Variants in GANC observed in about 807,000 individuals in gnomAD.
GANC encodes neutral alpha-glucosidase C.
A neutral mutation model predicts 124.2 loss-of-function variants in GANC; 117 were observed. The ratio of observed to expected loss-of-function variants is 0.94; its 90% CI spans 0.81 to 1.10. GANC has a LOEUF of 1.10. GANC is among the 50% of genes least tolerant of loss of function. GANC has a pLI of 0.00. For synonymous variants in GANC, 377 were observed against 376.8 expected, an observed-to-expected ratio of 1.00 and a Z score of -0.01; for missense variants, 1,140 against 1,095.0, an observed-to-expected ratio of 1.04 and a Z score of -0.58.
Position 42,352,240 on chromosome 15 carries a change from C to T in GANC, c.*101C>T. On this transcript the variant is annotated 3_prime_UTR_variant, in exon 24 of 24. Coordinates refer to ENST00000318010, the MANE Select transcript of GANC (RefSeq NM_198141.3). ...TTTTGCTGCAATCTGTTTGCCTTCC[C>T]TGAATCAAAATAATCTTTCATTCGT... The T allele has an allele frequency of 2.0e-6, 3 of 1,533,602 alleles. No individual in the cohort carries two copies. Among genetic ancestry groups the T allele is most frequent in the Non-Finnish European group, 2.6e-6 (3 of 1,138,774 alleles). The allele number at this position is 1,533,602 out of a possible 1,614,324, so 95.0% of individuals were successfully genotyped here.
intron 18 of GANC, among the ~76,000 whole-genome samples, chr15:42,341,662 C>T (rs901445707): frequency 6.6e-6 from 1 of 152,002 alleles, no homozygotes; most frequent in South Asian, 2.1e-4. Context: ...CTCCGGGGCT[C>T]AAGCAATCCT....
chr15:42,294,653 A>G (rs776038734), intron 5 of GANC, among the ~76,000 whole-genome samples: 7 of 148,570 alleles, frequency 4.7e-5, no homozygotes, highest in Admixed American at 6.7e-5. Flanking sequence ...TACACATTTT[A>G]TATATATTCT....
chr15:42,333,035 TATA>T (rs2052258647), intron 15 of GANC, among the ~76,000 whole-genome samples: 1 of 147,738 alleles, frequency 6.8e-6, no homozygotes, highest in Non-Finnish European at 1.5e-5. Context: ...TATATATATA[TATA>T]TTTTTTTTGG....
At chr15:42,316,208 G>A (rs531923371) in intron 10 of GANC, among the ~76,000 whole-genome samples, 47 of 152,240 alleles carry the variant, frequency 3.1e-4, no homozygotes, top group Non-Finnish European at 6.0e-4. Flanking sequence ...AGCCCTATGG[G>A]GCTTAGTGGG....
intron 15 of GANC, among the ~76,000 whole-genome samples, chr15:42,335,360 A>G (rs1240767456): frequency 6.6e-6 from 1 of 152,224 alleles, no homozygotes; most frequent in Non-Finnish European, 1.5e-5. Flanking sequence ...ACTAAAGACA[A>G]AAACCACATG....
chr15:42,348,260 T>C, intron 21 of GANC, 44 bp downstream of exon 21: 1 of 1,222,044 alleles, frequency 8.2e-7, no homozygotes, highest in South Asian at 1.2e-5. Context: ...ACTCTTTCTT[T>C]ACAGTGATAG....
intron 10 of GANC, chr15:42,314,226 A>T (rs1354855278): frequency 5.5e-6 from 4 of 733,694 alleles, no homozygotes; most frequent in South Asian, 2.9e-5. Context: ...TCTTTAAAGC[A>T]CCTGAAGCAC....
At chr15:42,298,705 G>A (rs1385624482) in intron 6 of GANC, among the ~76,000 whole-genome samples, 1 of 152,210 alleles carries the variant, frequency 6.6e-6, no homozygotes, top group Admixed American at 6.5e-5. Context: ...AGGATGGAAT[G>A]TTTTATCATT....
At chr15:42,306,380 C>T (rs1179233206) in intron 6 of GANC, among the ~76,000 whole-genome samples, 166 bp from the exon 7 acceptor site, 2 of 152,078 alleles carry the variant, frequency 1.3e-5, no homozygotes, top group Admixed American at 6.6e-5. Flanking sequence ...GTATATAGAA[C>T]ACAGATTTGA....
At chr15:42,308,118 C>T in intron 7 of GANC, 104 bp from the exon 8 acceptor site, 1 of 642,028 alleles carries the variant, frequency 1.6e-6, no homozygotes, top group Non-Finnish European at 2.8e-6. Context: ...GAGCCCAGGT[C>T]TCTCAGCCTT....
At chr15:42,316,148 A>G (rs899031996) in intron 10 of GANC, among the ~76,000 whole-genome samples, 1 of 152,212 alleles carries the variant, frequency 6.6e-6, no homozygotes, top group African/African-American at 2.4e-5. Flanking sequence ...GACTCAACAG[A>G]TACATGTATG....
At position 42,343,097 on chromosome 15, in the gene GANC, T is replaced by TC; in HGVS notation, c.2174dup (p.Val726SerfsTer10). 1 of 1,613,960 alleles carries TC rather than the reference T, an allele frequency of 6.2e-7. No homozygotes were observed. Among genetic ancestry groups the TC allele is most frequent in the South Asian group, 1.1e-5 (1 of 91,074 alleles). On this transcript the variant is annotated frameshift_variant, in exon 19 of 24. Coordinates refer to ENST00000318010, the MANE Select transcript of GANC (RefSeq NM_198141.3). LOFTEE classifies it high-confidence loss of function. ...ACTTAGGGAGTGCATTATTGGTTCA[T>TC]CCAGTCACAGAACCAAAAGCCACCA...
chr15:42,331,159 A>G (rs554182906), intron 15 of GANC, among the ~76,000 whole-genome samples: 1 of 152,190 alleles, frequency 6.6e-6, no homozygotes, highest in African/African-American at 2.4e-5. Flanking sequence ...GGTATGCCCT[A>G]AAGTGTGGAT....
intron 19 of GANC, 185 bp downstream of exon 19, chr15:42,343,339 G>A (rs937384419): frequency 1.0e-5 from 6 of 573,354 alleles, no homozygotes; most frequent in Non-Finnish European, 1.9e-5. Flanking sequence ...GGAGAGGAGG[G>A]AGAAAGATGA....
intron 5 of GANC, among the ~76,000 whole-genome samples, chr15:42,293,152 T>C (rs1279965115): frequency 1.3e-5 from 2 of 152,268 alleles, no homozygotes; most frequent in Non-Finnish European, 2.9e-5. Context: ...GTGTAACTGA[T>C]GGCATTCTCT....
At chr15:42,313,389 G>A (rs1188433105) in intron 10 of GANC, among the ~76,000 whole-genome samples, 1 of 152,182 alleles carries the variant, frequency 6.6e-6, no homozygotes. Flanking sequence ...ACACATGTTA[G>A]AATTCACTAA....
chr15:42,344,508 C>T (rs1017021753), intron 19 of GANC, among the ~76,000 whole-genome samples: 3 of 152,162 alleles, frequency 2.0e-5, no homozygotes, highest in African/African-American at 7.2e-5. Context: ...TTAATCAAAC[C>T]TGTGACCATA....
chr15:42,308,247 C>T lies in GANC; in HGVS notation c.651C>T (p.Phe217=). The change falls in exon 8 of 24, where the codon TTC becomes TTT. Residue 217 remains phenylalanine, a synonymous_variant. Coordinates refer to ENST00000318010, the MANE Select transcript of GANC (RefSeq NM_198141.3). ...GCCCTTCTTCTATTGGTTTGGATTT[C>T]TCCTTGCATGGATTTGAGCATCTTT... ...ANGPSSIGLD[F]SLHGFEHLYG... 6.2e-7 allele frequency: 1 copy of T among 1,607,146 alleles called. No individual in the cohort carries two copies. Among genetic ancestry groups the T allele is most frequent in the Non-Finnish European group, 8.5e-7 (1 of 1,174,922 alleles).
intron 15 of GANC, among the ~76,000 whole-genome samples, chr15:42,334,068 C>A (rs528330158): frequency 6.6e-6 from 1 of 152,090 alleles, no homozygotes; most frequent in African/African-American, 2.4e-5. Context: ...AAACTACACC[C>A]CTACCTCATA....
Sources: gnomAD v4.1 joint callset for allele counts (sites outside exome capture counted in the v4.1 genomes callset) on GRCh38, gnomAD v4.1.1 for gene constraint, MANE v1.5 for transcripts, NCBI Gene and HGNC (gene_info 2026-07-23, HGNC 2026-07-21) for gene names.